ACCSL: variants seen among roughly 807,000 people sequenced by gnomAD.
ACCSL encodes the protein 1-aminocyclopropane-1-carboxylate synthase homolog (inactive) like.
In ACCSL, 55 loss-of-function variants were observed where a neutral mutation model predicts 61.7. The ratio of observed to expected loss-of-function variants is 0.89; its 90% confidence interval spans 0.72 to 1.12. The LOEUF is 1.12. ACCSL is among the 50% of genes most tolerant of loss of function. ACCSL has a pLI of 0.00. For missense variants in ACCSL, 632 were observed against 698.0 expected, an observed-to-expected ratio of 0.91 and a Z score of 1.07; for synonymous variants, 258 against 264.3, an observed-to-expected ratio of 0.98 and a Z score of 0.23.
chr11:44,006,087 C>T, the ACCSL span, among the ~76,000 whole-genome samples: 2 of 152,332 alleles, frequency 1.3e-5, no homozygotes, highest in Admixed American at 1.3e-4. Context: ...TCTGTAGAGA[C>T]TACTTCTCCT....
chr11:44,044,175 G>A (rs1246682662), upstream of ACCSL, among the ~76,000 whole-genome samples: 1 of 152,088 alleles, frequency 6.6e-6, no homozygotes, highest in Non-Finnish European at 1.5e-5. Flanking sequence ...AGACTTTCTG[G>A]GTATTATGTG....
the ACCSL span, among the ~76,000 whole-genome samples, chr11:44,002,082 TC>T: frequency 2.6e-5 from 4 of 152,074 alleles, no homozygotes; most frequent in Non-Finnish European, 5.9e-5. Context: ...GAGCTTTTTT[TC>T]ATCTGTGGAC....
chr11:44,045,130 T>A (rs114206995), upstream of ACCSL, among the ~76,000 whole-genome samples: 1,228 of 152,282 alleles, frequency 8.1e-3, 17 homozygotes, highest in African/African-American at 0.028. Flanking sequence ...GCATACTCAC[T>A]TTGTTATCAG....
chr11:44,039,304 G>A, the ACCSL span, among the ~76,000 whole-genome samples: 6 of 152,110 alleles, frequency 3.9e-5, no homozygotes, highest in Non-Finnish European at 8.8e-5. Flanking sequence ...TTAAAAAGCA[G>A]ATTCCTACCA....
the ACCSL span, among the ~76,000 whole-genome samples, chr11:43,973,165 A>G: frequency 6.6e-6 from 1 of 152,224 alleles, no homozygotes; most frequent in African/African-American, 2.4e-5. Context: ...ACAATGTTTT[A>G]GAGGAAAGAC....
the ACCSL span, among the ~76,000 whole-genome samples, chr11:43,997,353 TC>T: frequency 6.6e-6 from 1 of 152,168 alleles, no homozygotes; most frequent in Non-Finnish European, 1.5e-5. Flanking sequence ...AGAGGATTCT[TC>T]CGGCTTCCTC....
chr11:44,021,259 C>T, the ACCSL span, among the ~76,000 whole-genome samples: 3 of 152,322 alleles, frequency 2.0e-5, no homozygotes, highest in Non-Finnish European at 4.4e-5. Flanking sequence ...GTTCCCTTTT[C>T]ACCACATCCA....
chr11:43,998,471 A>C, the ACCSL span, among the ~76,000 whole-genome samples: 4 of 152,160 alleles, frequency 2.6e-5, no homozygotes, highest in Non-Finnish European at 5.9e-5. Flanking sequence ...CATTCTCCAC[A>C]GTGGGCACAG....
chr11:44,030,084 T>TTTTTTTTTTTTTTTTTTTTA, the ACCSL span, among the ~76,000 whole-genome samples: 1 of 131,650 alleles, frequency 7.6e-6, no homozygotes, highest in Admixed American at 7.9e-5. Context: ...TTTTTTTTTT[T>TTTTTTTTTTTTTTTTTTTTA]AGTATAAAGG....
chr11:43,993,291 T>A, the ACCSL span, among the ~76,000 whole-genome samples: 1 of 151,994 alleles, frequency 6.6e-6, no homozygotes, highest in Non-Finnish European at 1.5e-5. Context: ...GTGCATCCCA[T>A]GGGGTCGGGG....
At chr11:43,944,191 C>G in the ACCSL span, 10 of 245,588 alleles carry the variant, frequency 4.1e-5, no homozygotes, top group South Asian at 4.6e-4. Flanking sequence ...CTCTCTCCTC[C>G]GTACAGTTCA....
the ACCSL span, chr11:43,943,191 G>A: frequency 2.6e-6 from 4 of 1,516,834 alleles, no homozygotes; most frequent in Non-Finnish European, 2.6e-6. This position sits in a 1 kb window ranked among gnomAD's most constrained non-coding sequence, Gnocchi z 4.8. Context: ...AGCACGCAGA[G>A]CCTGTCGCTG....
the ACCSL span, among the ~76,000 whole-genome samples, chr11:44,018,312 G>A: frequency 2.0e-5 from 3 of 152,170 alleles, no homozygotes; most frequent in Admixed American, 2.0e-4. Flanking sequence ...GGAGGTCTAT[G>A]CCAGCCGGTC....
At chr11:44,023,010 G>C in the ACCSL span, among the ~76,000 whole-genome samples, 5 of 147,700 alleles carry the variant, frequency 3.4e-5, no homozygotes, top group African/African-American at 1.2e-4. Context: ...ATTTATTATA[G>C]GTCCATTCAG....
At chr11:43,943,035 G>C in the ACCSL span, 2 of 1,500,186 alleles carry the variant, frequency 1.3e-6, no homozygotes, top group Non-Finnish European at 1.8e-6. The surrounding 1 kb of genome is among the most constrained non-coding windows in gnomAD (Gnocchi z 4.8). Context: ...GGCCGGGGCC[G>C]GCTGCGGCGG....
the ACCSL span, among the ~76,000 whole-genome samples, chr11:43,997,701 T>C: frequency 6.6e-6 from 1 of 152,170 alleles, no homozygotes; most frequent in Non-Finnish European, 1.5e-5. Flanking sequence ...GTCAGGAAGG[T>C]TTTTGGCTGC....
At chr11:43,968,368 C>G in the ACCSL span, among the ~76,000 whole-genome samples, 3 of 152,050 alleles carry the variant, frequency 2.0e-5, no homozygotes, top group African/African-American at 7.2e-5. Context: ...CCCTTTGCCC[C>G]CCAACCCCCG....
chr11:43,977,166 A>G, the ACCSL span, among the ~76,000 whole-genome samples: 2 of 152,186 alleles, frequency 1.3e-5, no homozygotes, highest in Admixed American at 1.3e-4. Flanking sequence ...TGGTGGCCCC[A>G]TGAGCTTGCT....
chr11:44,006,021 G>A, the ACCSL span, among the ~76,000 whole-genome samples: 14,539 of 152,206 alleles, frequency 0.096, 841 homozygotes, highest in East Asian at 0.33. Context: ...CTGTGGCCTA[G>A]GCTCAAGACT....
Sources: gnomAD v4.1 joint callset for allele counts (sites outside exome capture counted in the v4.1 genomes callset) on GRCh38, gnomAD v4.1.1 for gene constraint, Gnocchi (gnomAD v3.1) non-coding constraint, MANE v1.5 for transcripts, NCBI Gene and HGNC (gene_info 2026-07-23, HGNC 2026-07-21) for gene names.